The following ASCC3 variants were observed in gnomAD, a reference collection of about 807,000 sequenced individuals.
ASCC3 encodes ASC-1 complex subunit P200.
Under a neutral mutation model 256.3 loss-of-function variants are expected in ASCC3, and 158 were observed. The ratio of observed to expected loss-of-function variants is 0.62; its 90% CI spans 0.54 to 0.70. The LOEUF (loss-of-function observed/expected upper bound fraction) is 0.70, where lower values mean the gene tolerates loss of function less well. Among genes scored for constraint, ASCC3 ranks in the 30% least tolerant of loss-of-function variants. The probability of loss-of-function intolerance (pLI) is 0.00; values close to 1 mark genes in which losing one functional copy is unlikely to be tolerated. For synonymous variants in ASCC3, 948 were observed against 883.4 expected (o/e 1.07, Z -1.30); for missense variants, 2,259 against 2,626.0 (o/e 0.86, Z 3.05).
chr6:100,636,337 T>A (rs1411728391), intron 25 of ASCC3, among the ~76,000 whole-genome samples: 1 of 152,156 alleles, frequency 6.6e-6, no homozygotes, highest in Non-Finnish European at 1.5e-5. Context: ...TCATTGTAAT[T>A]GTTTTGTAGT....
In ASCC3 at chr6:100,679,631, A is replaced by G; in HGVS notation, c.2273T>C (p.Leu758Pro). The change falls in exon 14 of 42, where the codon CTT (leucine) becomes CCT (proline). Residue 758 changes from leucine (L) to proline (P), a missense_variant. Leu to Pro is a moderately conservative substitution (Grantham distance 98). Around this residue, in one of 2 missense-constraint regions of ASCC3, gnomAD observed 1,839 missense variants for 2,206.7 expected, o/e 0.83. Transcript: ENST00000369162. ...TTTGTTTCTTACCTGTTTTTCTGCA[A>G]GTACATAGTCATGTCCTTGGGTAGG... Reference protein sequence around the residue: ...FFPTQGHDYVLAEKQVQRSRN... With the variant: ...FFPTQGHDYVPAEKQVQRSRN... 1 of 1,613,630 alleles carries G rather than the reference A, an allele frequency of 6.2e-7. No individual in the cohort carries two copies. Among genetic ancestry groups the G allele is most frequent in the Non-Finnish European group, 8.5e-7 (1 of 1,179,704 alleles).
intron 34 of ASCC3, 152 bp downstream of exon 34, chr6:100,601,658 G>C (rs1021240332): frequency 1.1e-5 from 9 of 797,946 alleles, no homozygotes; most frequent in African/African-American, 1.7e-5. Context: ...TGTGATACCA[G>C]AGATATCATC....
chr6:100,514,721 G>A (rs964128778), intron 39 of ASCC3, among the ~76,000 whole-genome samples: 1 of 151,888 alleles, frequency 6.6e-6, no homozygotes, highest in South Asian at 2.1e-4. Context: ...TTCATCTATT[G>A]AATCAGGCAA....
chr6:100,581,859 G>C (rs1430773331), intron 36 of ASCC3, among the ~76,000 whole-genome samples: 2 of 150,298 alleles, frequency 1.3e-5, no homozygotes, highest in Non-Finnish European at 3.0e-5. Context: ...CCCATTGCTT[G>C]TTTTTCTCAG....
intron 10 of ASCC3, among the ~76,000 whole-genome samples, chr6:100,728,979 A>C (rs973990119): frequency 2.6e-5 from 4 of 152,208 alleles, no homozygotes; most frequent in African/African-American, 9.7e-5. Context: ...GTGAAGAGAA[A>C]GCACTAGACA....
intron 3 of ASCC3, chr6:100,857,762 C>T (rs1474906423): frequency 6.6e-6 from 1 of 151,894 alleles, no homozygotes; most frequent in East Asian, 1.9e-4. Context: ...GTTTTAAGAT[C>T]TACTAGAGTA....
intron 14 of ASCC3, among the ~76,000 whole-genome samples, chr6:100,663,375 T>G (rs1011937219): frequency 1.3e-5 from 2 of 152,078 alleles, no homozygotes; most frequent in Admixed American, 1.3e-4. Context: ...CATGATGAAA[T>G]CTCACACTGT....
intron 10 of ASCC3, among the ~76,000 whole-genome samples, chr6:100,736,881 A>C (rs1780195297): frequency 6.6e-6 from 1 of 152,082 alleles, no homozygotes; most frequent in African/African-American, 2.4e-5. Flanking sequence ...GGCACAGTGG[A>C]TCACACCTGT....
intron 1 of ASCC3, among the ~76,000 whole-genome samples, chr6:100,871,165 G>A (rs1338809349): frequency 6.6e-6 from 1 of 151,348 alleles, no homozygotes; most frequent in Non-Finnish European, 1.5e-5. Flanking sequence ...GCGTGATCTC[G>A]GCTCACTGCA....
At chr6:100,602,882 T>C (rs575367730) in intron 33 of ASCC3, among the ~76,000 whole-genome samples, 1 of 152,178 alleles carries the variant, frequency 6.6e-6, no homozygotes, top group Non-Finnish European at 1.5e-5. Context: ...GTATTAAAAA[T>C]AGTTTTTGCA....
At chr6:100,825,768 T>C (rs1470876401) in intron 4 of ASCC3, among the ~76,000 whole-genome samples, 3 of 152,124 alleles carry the variant, frequency 2.0e-5, no homozygotes, top group African/African-American at 7.2e-5. Flanking sequence ...TATTTTCACA[T>C]AGTCCCATAT....
intron 25 of ASCC3, among the ~76,000 whole-genome samples, chr6:100,631,865 C>T (rs1166072680): frequency 6.6e-6 from 1 of 151,682 alleles, no homozygotes; most frequent in Non-Finnish European, 1.5e-5. Context: ...AGATCAATAA[C>T]CACATATTAG....
chr6:100,647,504 T>G (rs1775440682), intron 20 of ASCC3, 53 bp from the exon 21 acceptor site: 12 of 1,477,490 alleles, frequency 8.1e-6, no homozygotes, highest in Non-Finnish European at 1.1e-5. Flanking sequence ...CTTTTAAATT[T>G]GTCAATAAAT....
At chr6:100,838,992 T>G (rs1449249972) in intron 4 of ASCC3, among the ~76,000 whole-genome samples, 1 of 152,122 alleles carries the variant, frequency 6.6e-6, no homozygotes, top group African/African-American at 2.4e-5. Context: ...ATCCAAAATG[T>G]TTTTATTTAT....
intron 36 of ASCC3, among the ~76,000 whole-genome samples, chr6:100,554,417 A>G (rs1769462418): frequency 6.6e-6 from 1 of 152,188 alleles, no homozygotes; most frequent in Admixed American, 6.6e-5. Context: ...CACTGCACAC[A>G]TCGCTGCCTA....
At chr6:100,535,418 G>C (rs896720806) in intron 37 of ASCC3, among the ~76,000 whole-genome samples, 5 of 149,842 alleles carry the variant, frequency 3.3e-5, no homozygotes, top group Admixed American at 3.3e-4. Context: ...CAATTTTGTA[G>C]AGAACTTCCA....
At chr6:100,575,568 TC>T (rs1770816269) in intron 36 of ASCC3, among the ~76,000 whole-genome samples, 1 of 152,050 alleles carries the variant, frequency 6.6e-6, no homozygotes, top group East Asian at 1.9e-4. Context: ...TTGGAATAGT[TC>T]TATTTACATT....
chr6:100,513,978 G>T (rs1174435856), intron 39 of ASCC3, among the ~76,000 whole-genome samples: 1 of 150,446 alleles, frequency 6.6e-6, no homozygotes. Context: ...TTTAATTTTG[G>T]TTTTTCTTTT....
chr6:100,748,136 T>A (rs1780772569), intron 10 of ASCC3, among the ~76,000 whole-genome samples: 1 of 152,072 alleles, frequency 6.6e-6, no homozygotes, highest in South Asian at 2.1e-4. Context: ...GAAGTCAACT[T>A]ACTTCCAAGT....
Sources: gnomAD v4.1 joint callset for allele counts (sites outside exome capture counted in the v4.1 genomes callset) on GRCh38, gnomAD v4.1.1 for gene constraint, gnomAD v4.1.1 regional missense constraint, MANE v1.5 for transcripts, NCBI Gene and HGNC (gene_info 2026-07-23, HGNC 2026-07-21) for gene names.